The following GRIP2 variants were observed in gnomAD, a reference collection of about 807,000 sequenced individuals.
GRIP2 encodes the protein glutamate receptor interacting protein 2.
GRIP2 carries 58 observed loss-of-function variants against 108.3 expected under a neutral mutation model. The observed-to-expected ratio is 0.54, with a 90% CI of 0.43 to 0.67. GRIP2 has a LOEUF of 0.67. GRIP2 is among the 30% of genes least tolerant of loss of function. The pLI is 0.00. For missense variants in GRIP2, 1,278 were observed against 1,430.6 expected (o/e 0.89, Z 1.72); for synonymous variants, 586 against 598.2 (o/e 0.98, Z 0.30).
chr3:14,512,590 G>A lies in GRIP2; in HGVS notation c.1720+187C>T, dbSNP rs1034929960. On this transcript the variant is annotated intron_variant, in intron 14 of 23. Coordinates refer to ENST00000621039, the MANE Select transcript of GRIP2 (RefSeq NM_001080423.4). This position sits in a 1 kb window ranked among gnomAD's most constrained non-coding sequence, Gnocchi z 5.1. Reference sequence around the variant, plus strand: ...GCAGAACGGGAAGCTGAAGCTTTGGGAAGCTGGGGTCTCGCTGAGAACACG... The same window carrying A: ...GCAGAACGGGAAGCTGAAGCTTTGGAAAGCTGGGGTCTCGCTGAGAACACG... Among the ~76,000 whole-genome samples, 1 of 152,176 alleles carries A rather than the reference G, an allele frequency of 6.6e-6. No individual in the cohort carries two copies. The highest frequency in any genetic ancestry group is 6.5e-5 in the Admixed American group (1 of 15,280).
chr3:14,518,202 A>G (rs943230523), intron 9 of GRIP2, among the ~76,000 whole-genome samples: 6 of 152,204 alleles, frequency 3.9e-5, no homozygotes, highest in African/African-American at 1.4e-4. Context: ...GGAGCCGGAG[A>G]GGTCTATGGC....
Position 14,506,803 on chromosome 3 carries a change from G to C in GRIP2, c.2396C>G (p.Pro799Arg), listed in dbSNP as rs1318963681. The change falls in exon 19 of 24, where the codon CCA becomes CGA. Residue 799 changes from proline (P) to arginine (R), a missense_variant and splice_region_variant. By Grantham distance (103) the Pro-to-Arg change is moderately radical (BLOSUM62 -2). Transcript: ENST00000621039. Reference protein sequence around the residue: ...SSATEGGFGGPGSYTPQAAAR... With the variant: ...SSATEGGFGGRGSYTPQAAAR... Reference sequence around the variant, plus strand: ...GTCCAAGGGCCCCAAGGTATTACCTGGGCCCCCAAAGCCACCCTCGGTGGC... The same window carrying C: ...GTCCAAGGGCCCCAAGGTATTACCTCGGCCCCCAAAGCCACCCTCGGTGGC... The C allele has an allele frequency of 1.3e-6, 2 of 1,593,626 alleles. No individual in the cohort carries two copies. Among genetic ancestry groups the C allele is most frequent in the African/African-American group, 2.7e-5 (2 of 74,472 alleles).
rs1383596093 is a variant in GRIP2 at position 14,520,465 on chromosome 3, G to A, written c.785C>T (p.Ser262Leu). The A allele has an allele frequency of 1.2e-5, 20 of 1,613,806 alleles. No individual in the cohort carries two copies. The highest frequency in any genetic ancestry group is 6.6e-5 in the South Asian group (6 of 91,054). The change falls in exon 8 of 24, where the codon TCG becomes TTG. Residue 262 changes from serine to leucine, a missense_variant. Coordinates refer to ENST00000621039, the MANE Select transcript of GRIP2 (RefSeq NM_001080423.4). ...GTTCCGGAGGGAGGTGGTGGTGAGC[G>A]AGATCCCCAGGGCAGACCCTGGCGT... ...VKTPGSALGI[S>L]LTTTSLRNKS... is the part of the protein sequence containing the mutation.
Position 14,507,551 on chromosome 3 carries a change from C to T in GRIP2, c.2218+10G>A, listed in dbSNP as rs1395331831. The stretch of plus-strand genomic sequence containing the variant: ...GCTGGGTGGCTCCCAGGGGATGAAG[C>T]GAATCTCACGGTCTAGTTGCTTCTT... On this transcript the variant is annotated intron_variant, in intron 18 of 23. Transcript: ENST00000621039. This position sits in a 1 kb window ranked among gnomAD's most constrained non-coding sequence, Gnocchi z 4.6. 8.1e-6 allele frequency: 13 copies of T among 1,611,042 alleles called. No homozygotes were observed. The highest frequency in any genetic ancestry group is 1.0e-5 in the Non-Finnish European group (12 of 1,177,472).
In GRIP2 at chr3:14,510,258, GTTTTT is replaced by G. The variant is rs148444184; in HGVS notation, c.1934-299_1934-295del. 4.3e-5 allele frequency among the ~76,000 whole-genome samples: 4 copies of G among 92,260 alleles called. No individual in the cohort carries two copies. In the East Asian group the frequency reaches 9.1e-4, roughly 21 times the overall value. The allele number at this position is 92,260 out of a possible 152,430, so 60.5% of individuals were successfully genotyped here. On this transcript the variant is annotated intron_variant, in intron 16 of 23. Transcript: ENST00000621039. ...GCAAAGGGAACCCCGATCATCCGTTGTTTTTTTTTTTTTTTTTTTTTTGAGACAGA... is the reference window on the plus strand; with the variant it reads ...GCAAAGGGAACCCCGATCATCCGTTGTTTTTTTTTTTTTTTTTGAGACAGA...
At chr3:14,495,137 C>T (rs1693552107) in intron 22 of GRIP2, 148 bp from the exon 23 acceptor site, 3 of 954,526 alleles carry the variant, frequency 3.1e-6, no homozygotes, top group Admixed American at 5.4e-5. Context: ...GCCCCTGGGC[C>T]TTCAGCCACC....
In GRIP2 at chr3:14,517,155, G is replaced by C. The variant is rs368413467; in HGVS notation, c.1215C>G (p.Asn405Lys). The C allele has an allele frequency of 2.7e-5, 43 of 1,609,562 alleles. 1 individual carries two copies. In the South Asian group the frequency reaches 4.5e-4, roughly 17 times the overall value. Residue 405 changes from asparagine (N) to lysine (K), a missense_variant, in exon 11 of 24, where the codon AAC becomes AAG. Coordinates refer to ENST00000621039, the MANE Select transcript of GRIP2 (RefSeq NM_001080423.4). ...PTLNHAFSCN[N>K]PSTLPRGSQP... is the part of the protein sequence containing the mutation. ...GGGATCCACGGGGAAGGGTGCTGGG[G>C]TTGTTGCAGGAAAAGGCGTGGTTCA...
At chr3:14,584,444 G>A in the GRIP2 span, among the ~76,000 whole-genome samples, 5 of 152,178 alleles carry the variant, frequency 3.3e-5, no homozygotes, top group African/African-American at 9.7e-5. Flanking sequence ...GGCTTGCTGC[G>A]TGACTCTGTG....
At chr3:14,495,277 G>T (rs905268989) in intron 22 of GRIP2, among the ~76,000 whole-genome samples, 6 of 152,156 alleles carry the variant, frequency 3.9e-5, no homozygotes, top group African/African-American at 7.2e-5. Context: ...CAGGGAGGAG[G>T]CCTGGCCAGG....
chr3:14,574,274 G>A, the GRIP2 span: 1 of 926,356 alleles, frequency 1.1e-6, no homozygotes, highest in Non-Finnish European at 1.8e-6. Flanking sequence ...GGTAGGTGTG[G>A]TTGTTGAGCC....
intron 1 of GRIP2, among the ~76,000 whole-genome samples, chr3:14,529,208 G>A (rs1694643362): frequency 6.6e-6 from 1 of 151,260 alleles, no homozygotes; most frequent in African/African-American, 2.4e-5. Flanking sequence ...GAACCTGGGA[G>A]GCGGAGGTGG....
At chr3:14,565,396 G>A in the GRIP2 span, among the ~76,000 whole-genome samples, 6 of 152,300 alleles carry the variant, frequency 3.9e-5, no homozygotes, top group Non-Finnish European at 7.4e-5. Context: ...AGATGTGCCT[G>A]TTGGGCCAGT....
At chr3:14,523,421 C>T (rs1232193858) in intron 5 of GRIP2, 191 bp downstream of exon 5, 4 of 591,554 alleles carry the variant, frequency 6.8e-6, no homozygotes, top group Admixed American at 3.0e-5. Flanking sequence ...TCTCCTCTCA[C>T]TCTCCCCAAC....
At chr3:14,587,324 TGGCCAACAGGAGGGCCAAG>T in the GRIP2 span, among the ~76,000 whole-genome samples, 1 of 152,212 alleles carries the variant, frequency 6.6e-6, no homozygotes, top group Non-Finnish European at 1.5e-5. Context: ...ACCATGAAAC[TGGCCAACAGGAGGGCCAAG>T]AGTCCAATCC....
At position 14,522,930 on chromosome 3, in the gene GRIP2, A is replaced by G; in HGVS notation, c.566+70T>C. 7.6e-7 allele frequency: 1 copy of G among 1,318,708 alleles called. No individual in the cohort carries two copies. The highest frequency in any genetic ancestry group is 1.1e-6 in the Non-Finnish European group (1 of 911,514). The allele number at this position is 1,318,708 out of a possible 1,614,324, so 81.7% of individuals were successfully genotyped here. A position where few individuals can be genotyped will look rare whatever the true frequency, so the allele number is the denominator to read the frequency against. Reference sequence around the variant, plus strand: ...TCTGGGGAAGGGGCATGGTGACCCCACTCCACCTTCTTCGCAGGGGAGTTG... The same window carrying G: ...TCTGGGGAAGGGGCATGGTGACCCCGCTCCACCTTCTTCGCAGGGGAGTTG... On this transcript the variant is annotated intron_variant, in intron 6 of 23. Transcript: ENST00000621039. The surrounding 1 kb of genome is among the most constrained non-coding windows in gnomAD (Gnocchi z 4.3).
In GRIP2 at chr3:14,517,051, G is replaced by A. The variant is rs753077267; in HGVS notation, c.1306+13C>T. 8.5e-6 allele frequency: 13 copies of A among 1,528,180 alleles called. No individual in the cohort carries two copies. The Admixed American group carries it at 1.0e-4, about 12-fold the overall frequency. The allele number at this position is 1,528,180 out of a possible 1,614,324, so 94.7% of individuals were successfully genotyped here. ...CAAGCAGCCCAAGGAGGAGGGAAGA[G>A]ACCACAGCTTACACGAGCTCTTGTG... On this transcript the variant is annotated intron_variant, in intron 11 of 23. Transcript: ENST00000621039.
the GRIP2 span, among the ~76,000 whole-genome samples, chr3:14,593,203 T>C: frequency 2.6e-5 from 4 of 152,232 alleles, no homozygotes. Context: ...GGGAGCACAG[T>C]ATTTGTCTCT....
intron 1 of GRIP2, among the ~76,000 whole-genome samples, chr3:14,529,094 C>A (rs1374328544): frequency 6.7e-6 from 1 of 148,886 alleles, no homozygotes; most frequent in Non-Finnish European, 1.5e-5. Context: ...CACAGTGAAA[C>A]CCTATCTCTA....
chr3:14,594,846 G>A, the GRIP2 span, among the ~76,000 whole-genome samples: 2 of 152,194 alleles, frequency 1.3e-5, no homozygotes, highest in Non-Finnish European at 2.9e-5. Context: ...AATTAAAATA[G>A]TTAACATATA....
Sources: allele counts gnomAD v4.1 joint callset (sites outside exome capture counted in the v4.1 genomes callset), GRCh38; gene constraint gnomAD v4.1.1; non-coding constraint Gnocchi (gnomAD v3.1); transcripts MANE v1.5; gene names NCBI Gene and HGNC (gene_info 2026-07-23, HGNC 2026-07-21).